Variants in VIPR1 observed in about 807,000 individuals in gnomAD.
The protein encoded by VIPR1 is vasoactive intestinal polypeptide receptor 1.
In VIPR1, 59 loss-of-function variants were observed where a neutral mutation model predicts 58.8. The ratio of observed to expected loss-of-function variants is 1.00; its 90% CI spans 0.81 to 1.25. VIPR1 has a LOEUF of 1.25. VIPR1 is among the 50% of genes most tolerant of loss of function. The pLI is 0.00. For synonymous variants in VIPR1, 251 were observed against 242.1 expected, an observed-to-expected ratio of 1.04 and a Z score of -0.34; for missense variants, 626 against 602.7, an observed-to-expected ratio of 1.04 and a Z score of -0.40.
intron 4 of VIPR1, among the ~76,000 whole-genome samples, chr3:42,527,109 G>A (rs766398447): frequency 5.7e-4 from 87 of 152,182 alleles, no homozygotes; most frequent in Admixed American, 4.0e-3. Flanking sequence ...GACGTGCAAG[G>A]TCTTCATTCT....
chr3:42,496,105 C>A (rs765488732), intron 1 of VIPR1, among the ~76,000 whole-genome samples: 5 of 152,064 alleles, frequency 3.3e-5, no homozygotes, highest in Non-Finnish European at 5.9e-5. Context: ...GGCGTGGTGG[C>A]GTGTGCCTGT....
At chr3:42,506,234 C>T (rs971941627) in intron 1 of VIPR1, among the ~76,000 whole-genome samples, 5 of 152,178 alleles carry the variant, frequency 3.3e-5, no homozygotes, top group Non-Finnish European at 5.9e-5. Context: ...GCCTTCACAA[C>T]GTGGGCAGCC....
At chr3:42,492,849 GAC>G (rs1699690795) in intron 1 of VIPR1, among the ~76,000 whole-genome samples, 1 of 152,154 alleles carries the variant, frequency 6.6e-6, no homozygotes, top group Admixed American at 6.5e-5. Context: ...CTGCGCCCTG[GAC>G]ACCAGGCCCC....
chr3:42,499,169 G>T (rs1699820392), upstream of VIPR1, among the ~76,000 whole-genome samples: 1 of 152,220 alleles, frequency 6.6e-6, no homozygotes, highest in African/African-American at 2.4e-5. Flanking sequence ...CCCCAGCCAG[G>T]TGGTTTCCTC....
At chr3:42,521,985 A>C in intron 3 of VIPR1, among the ~76,000 whole-genome samples, 1 of 147,016 alleles carries the variant, frequency 6.8e-6, no homozygotes, top group Non-Finnish European at 1.5e-5. Flanking sequence ...TGACCTCATG[A>C]TCCTCCCACC....
chr3:42,534,655 T>C lies in VIPR1; in HGVS notation c.1011-320T>C, dbSNP rs143995871. The C allele has an allele frequency of 5.0e-4, 98 of 195,740 alleles. No individual in the cohort carries two copies. The East Asian group carries it at 0.01, about 20-fold the overall frequency. 12.1% of individuals were successfully genotyped at this position (195,740 alleles called of 1,614,324 possible). A position where few individuals can be genotyped will look rare whatever the true frequency, so the allele number is the denominator to read the frequency against. The stretch of plus-strand genomic sequence containing the variant: ...TCCCAATAGTGGATTTCAGCTAACA[T>C]GTCCCTGTTAGCATCATTCTCACTG... On this transcript the variant is annotated intron_variant, in intron 10 of 12. Transcript: ENST00000325123.
intron 1 of VIPR1, among the ~76,000 whole-genome samples, chr3:42,506,311 C>A (rs936943014): frequency 6.6e-6 from 1 of 152,222 alleles, no homozygotes; most frequent in Admixed American, 6.5e-5. Context: ...TGCCACAACT[C>A]TGCCATTGCT....
Position 42,536,443 on chromosome 3 carries a change from G to A in VIPR1, c.*162G>A. The A allele has an allele frequency of 1.4e-6, 1 of 708,226 alleles. No homozygotes were observed. Among genetic ancestry groups the A allele is most frequent in the Non-Finnish European group, 2.2e-6 (1 of 459,014 alleles). The allele number at this position is 708,226 out of a possible 1,614,324, so 43.9% of individuals were successfully genotyped here. On this transcript the variant is annotated 3_prime_UTR_variant, in exon 13 of 13. Transcript: ENST00000325123. ...TCTGGTCCGGACACTCCTAGAGAACGCAGCCCTAGAGCCTGCCTGGAGCGT... is the reference window on the plus strand; with the variant it reads ...TCTGGTCCGGACACTCCTAGAGAACACAGCCCTAGAGCCTGCCTGGAGCGT...
Position 42,528,090 on chromosome 3 carries a change from C to T in VIPR1, c.603C>T (p.Asp201=). The change falls in exon 6 of 13, where the codon GAC becomes GAT. Residue 201 remains aspartate, a synonymous_variant. Coordinates refer to ENST00000325123, the MANE Select transcript of VIPR1 (RefSeq NM_004624.4). ...AVFIKDLALF[D]SGESDQCSEG... is the part of the protein sequence containing the mutation. The stretch of plus-strand genomic sequence containing the variant: ...TCATCAAAGACTTGGCCCTCTTCGA[C>T]AGCGGGGAGTCGGACCAGTGCTCCG... 6.2e-7 allele frequency: 1 copy of T among 1,614,032 alleles called. No individual in the cohort carries two copies. Among genetic ancestry groups the T allele is most frequent in the Non-Finnish European group, 8.5e-7 (1 of 1,179,948 alleles).
upstream of VIPR1, chr3:42,502,359 C>G (rs1322581521): frequency 1.1e-5 from 2 of 176,424 alleles, no homozygotes; most frequent in Non-Finnish European, 2.4e-5. Context: ...GTGAGCTAAG[C>G]ATGGAAGGAT....
chr3:42,493,946 C>G (rs143371910), intron 1 of VIPR1, among the ~76,000 whole-genome samples: 511 of 152,340 alleles, frequency 3.4e-3, no homozygotes, highest in Non-Finnish European at 4.9e-3. Context: ...CTCCTCCAGT[C>G]TCAACTCCCA....
At chr3:42,496,305 G>T (rs1213827993) in intron 1 of VIPR1, among the ~76,000 whole-genome samples, 1 of 152,082 alleles carries the variant, frequency 6.6e-6, no homozygotes, top group Admixed American at 6.5e-5. Flanking sequence ...ACATGTCTTT[G>T]TGTTTATCAT....
intron 10 of VIPR1, 152 bp from the exon 11 acceptor site, chr3:42,534,823 G>A: frequency 9.9e-7 from 1 of 1,010,340 alleles, no homozygotes. Context: ...GAGCAGACAA[G>A]GGCATAATAT....
intron 1 of VIPR1, among the ~76,000 whole-genome samples, chr3:42,497,036 T>C (rs1392770842): frequency 6.6e-6 from 1 of 152,186 alleles, no homozygotes; most frequent in Non-Finnish European, 1.5e-5. Context: ...AAACTCCATG[T>C]TGTGTTTTGT....
chr3:42,533,988 G>C (rs1192910732), intron 10 of VIPR1: 1 of 152,446 alleles, frequency 6.6e-6, no homozygotes, highest in Non-Finnish European at 1.5e-5. Context: ...ACACTGCCTG[G>C]ATCAGCTATG....
chr3:42,515,725 G>T (rs1442062598), intron 2 of VIPR1, among the ~76,000 whole-genome samples: 1 of 152,222 alleles, frequency 6.6e-6, no homozygotes, highest in East Asian at 1.9e-4. Context: ...GCCCATGTCT[G>T]TCTGGAGCTG....
chr3:42,492,725 G>A (rs1319432251), intron 1 of VIPR1, among the ~76,000 whole-genome samples: 1 of 152,228 alleles, frequency 6.6e-6, no homozygotes, highest in Non-Finnish European at 1.5e-5. Flanking sequence ...CCCAGGAGGA[G>A]AAGGGAAGGA....
intron 12 of VIPR1, 120 bp downstream of exon 12, chr3:42,535,504 C>A: frequency 9.0e-7 from 1 of 1,105,046 alleles, no homozygotes; most frequent in Non-Finnish European, 1.4e-6. Flanking sequence ...CAAGTATGGT[C>A]CTCAAACTAG....
At chr3:42,502,467 A>G (rs1699905105), upstream of VIPR1, 2 of 335,138 alleles carry the variant, frequency 6.0e-6, no homozygotes, top group Non-Finnish European at 1.1e-5. Flanking sequence ...GGGATTGGCA[A>G]AGAGAGAGCA....
Sources: allele counts gnomAD v4.1 joint callset (sites outside exome capture counted in the v4.1 genomes callset), GRCh38; gene constraint gnomAD v4.1.1; transcripts MANE v1.5; gene names NCBI Gene and HGNC (gene_info 2026-07-23, HGNC 2026-07-21).